The following SRSF10 variants were observed in gnomAD, a reference collection of about 807,000 sequenced individuals.
The protein encoded by SRSF10 is serine and arginine rich splicing factor 10.
A neutral mutation model predicts 32.6 loss-of-function variants in SRSF10; 9 were observed. The observed-to-expected ratio is 0.28, with a 90% CI of 0.17 to 0.48. The LOEUF (loss-of-function observed/expected upper bound fraction) is 0.48, where lower values mean the gene tolerates loss of function less well. Among genes scored for constraint, SRSF10 ranks in the 20% least tolerant of loss-of-function variants. The pLI, the probability that SRSF10 is intolerant of heterozygous loss-of-function variation, is 0.99. For missense variants in SRSF10, 201 were observed against 331.8 expected (o/e 0.61, Z 3.06); for synonymous variants, 105 against 112.4 (o/e 0.93, Z 0.42).
chr1:23,971,721 G>A, intron 4 of SRSF10, 95 bp from the exon 5 acceptor site: 1 of 1,506,964 alleles, frequency 6.6e-7, no homozygotes, highest in Non-Finnish European at 9.0e-7. Flanking sequence ...AAAATAAAAT[G>A]CTACAGTATT....
rs1641450535 is a variant in SRSF10, at chr1:23,966,360, A to T, written c.*4782T>A. 6.6e-6 allele frequency: 1 copy of T among 151,978 alleles called. No individual in the cohort carries two copies. Among genetic ancestry groups the T allele is most frequent in the African/African-American group, 2.4e-5 (1 of 41,440 alleles). 9.4% of individuals were successfully genotyped at this position (151,978 alleles called of 1,614,324 possible). Reference sequence around the variant, plus strand: ...GGAAAATTTTAAGTATGTGGCAAAAAAGATGACAAAAATCAAATGTGATGA... The same window carrying T: ...GGAAAATTTTAAGTATGTGGCAAAATAGATGACAAAAATCAAATGTGATGA... On this transcript the variant is annotated 3_prime_UTR_variant, in exon 6 of 6. Coordinates refer to ENST00000492112, the MANE Select transcript of SRSF10 (RefSeq NM_054016.4).
chr1:23,967,669 C>A lies in SRSF10; in HGVS notation c.*3473G>T. The A allele has an allele frequency of 6.3e-7, 1 of 1,582,252 alleles. No individual in the cohort carries two copies. The highest frequency in any genetic ancestry group is 8.7e-7 in the Non-Finnish European group (1 of 1,151,498). The stretch of plus-strand genomic sequence containing the variant: ...TTTGGTTCTTTTTCCGCTTTCAGAT[C>A]TTTCTTGAAGTGTAGTAAGCAGAAC... On this transcript the variant is annotated 3_prime_UTR_variant, in exon 6 of 6. Transcript: ENST00000492112.
Position 23,966,150 on chromosome 1 carries a change from G to A in SRSF10, c.*4992C>T, listed in dbSNP as rs1306530243. The A allele has an allele frequency of 1.3e-5, 2 of 151,888 alleles. No individual in the cohort carries two copies. The highest frequency in any genetic ancestry group is 4.8e-5 in the African/African-American group (2 of 41,428). 9.4% of individuals were successfully genotyped at this position (151,888 alleles called of 1,614,324 possible). ...TGAAACAAGTGAAAAATTATGGGCT[G>A]TAACCTAGGATCTGACACTTGCTGT... On this transcript the variant is annotated 3_prime_UTR_variant, in exon 6 of 6. Transcript: ENST00000492112.
intron 1 of SRSF10, 87 bp from the exon 2 acceptor site, chr1:23,978,904 G>C: frequency 8.1e-7 from 1 of 1,237,406 alleles, no homozygotes; most frequent in Non-Finnish European, 1.1e-6. Flanking sequence ...AGGAAAGCTA[G>C]GATCCAAGAA....
chr1:23,972,414 TG>T (rs1641814587), intron 3 of SRSF10, among the ~76,000 whole-genome samples: 1 of 145,620 alleles, frequency 6.9e-6, no homozygotes, highest in Non-Finnish European at 1.5e-5. Context: ...AAAAAAAGTG[TG>T]TATGTGTTTT....
chr1:23,971,092 C>CTATG lies in SRSF10; in HGVS notation c.*46_*49dup, dbSNP rs1641727990. ...TTCCTGATAATTTAAGTAAACCAAA[C>CTATG]TATGAGTAAATGAATGATACATGCC... is the stretch of plus-strand genomic sequence containing the variant. On this transcript the variant is annotated 3_prime_UTR_variant, in exon 6 of 6. Coordinates refer to ENST00000492112, the MANE Select transcript of SRSF10 (RefSeq NM_054016.4). 1 of 1,531,754 alleles carries CTATG rather than the reference C, an allele frequency of 6.5e-7. No individual in the cohort carries two copies. Among genetic ancestry groups the CTATG allele is most frequent in the Non-Finnish European group, 8.7e-7 (1 of 1,144,510 alleles). The allele number at this position is 1,531,754 out of a possible 1,614,324, so 94.9% of individuals were successfully genotyped here.
In SRSF10 at chr1:23,971,177, T is replaced by C. The variant is rs1204866096; in HGVS notation, c.754A>G (p.Arg252Gly). The change falls in exon 6 of 6, where the codon AGG (arginine) becomes GGG (glycine). Residue 252 changes from arginine (R) to glycine (G), a missense_variant. By Grantham distance (125) the Arg-to-Gly change is moderately radical (BLOSUM62 -2). Around this residue, in one of 3 missense-constraint regions of SRSF10, gnomAD observed 159 missense variants for 196.7 expected, o/e 0.81. Coordinates refer to ENST00000492112, the MANE Select transcript of SRSF10 (RefSeq NM_054016.4). ...CTGGACTTAGGACTAGTCCAAGACC[T>C]TGATCTAGATTTTGACCTAGACCTA... is the stretch of plus-strand genomic sequence containing the variant. ...QSRSRSKSRSRSWTSPKSSGH is the reference protein window; with the variant it reads ...QSRSRSKSRSGSWTSPKSSGH 32 of 1,613,744 alleles carry C rather than the reference T, an allele frequency of 2.0e-5. No homozygotes were observed. In the African/African-American group the frequency reaches 4.1e-4, roughly 21 times the overall value.
At chr1:23,972,719 G>C (rs1641843746) in intron 3 of SRSF10, among the ~76,000 whole-genome samples, 1 of 150,666 alleles carries the variant, frequency 6.6e-6, no homozygotes, top group African/African-American at 2.4e-5. Flanking sequence ...TAGGATTACA[G>C]GTGTGAGCCA....
At position 23,970,752 on chromosome 1, in the gene SRSF10, G is replaced by GT. The variant is rs1641709327; in HGVS notation, c.*389dup. 9.9e-7 allele frequency: 1 copy of GT among 1,015,004 alleles called. No homozygotes were observed. Among genetic ancestry groups the GT allele is most frequent in the South Asian group, 4.0e-5 (1 of 25,002 alleles). 62.9% of individuals were successfully genotyped at this position (1,015,004 alleles called of 1,614,324 possible). ...GTACTGTGGCTACTACTTCACTTTTGTATCATTCTATCTTATTAGCAAGCT... is the reference window on the plus strand; with the variant it reads ...GTACTGTGGCTACTACTTCACTTTTGTTATCATTCTATCTTATTAGCAAGCT... On this transcript the variant is annotated 3_prime_UTR_variant, in exon 6 of 6. Transcript: ENST00000492112.
Position 23,965,018 on chromosome 1 carries a change from TAACC to T in SRSF10, c.*6120_*6123del, listed in dbSNP as rs1641385806. ...CAAATACACAGAAACATAATAAAGA[TAACC>T]AACACTGTTAAGAGGAAGGGGAAGA... On this transcript the variant is annotated 3_prime_UTR_variant, in exon 6 of 6. Transcript: ENST00000492112. 6.6e-6 allele frequency: 1 copy of T among 151,838 alleles called. No individual in the cohort carries two copies. Among genetic ancestry groups the T allele is most frequent in the African/African-American group, 2.4e-5 (1 of 41,380 alleles). 9.4% of individuals were successfully genotyped at this position (151,838 alleles called of 1,614,324 possible). A position where few individuals can be genotyped will look rare whatever the true frequency, so the allele number is the denominator to read the frequency against.
chr1:23,971,430 G>C lies in SRSF10; in HGVS notation c.501C>G (p.His167Gln). 2.5e-6 allele frequency: 4 copies of C among 1,608,718 alleles called. No individual in the cohort carries two copies. The highest frequency in any genetic ancestry group is 3.4e-6 in the Non-Finnish European group (4 of 1,178,618). The change falls in exon 6 of 6, where the codon CAC becomes CAG. Residue 167 changes from histidine to glutamine, a missense_variant. Around this residue, in one of 3 missense-constraint regions of SRSF10, gnomAD observed 159 missense variants for 196.7 expected, o/e 0.81. Coordinates refer to ENST00000492112, the MANE Select transcript of SRSF10 (RefSeq NM_054016.4). Reference sequence around the variant, plus strand: ...TAGATCTTGAAAAAGATCGATTTCGGTGTTTGAATCTTTCAAAACAGAGGA... The same window carrying C: ...TAGATCTTGAAAAAGATCGATTTCGCTGTTTGAATCTTTCAAAACAGAGGA... ...RSHSDNDRFK[H>Q]RNRSFSRSKS...
At chr1:23,979,415 T>C (rs1642312117) in intron 1 of SRSF10, among the ~76,000 whole-genome samples, 1 of 152,084 alleles carries the variant, frequency 6.6e-6, no homozygotes, top group Non-Finnish European at 1.5e-5. Context: ...TGTGTGTAGA[T>C]TCATTATTTG....
Position 23,967,893 on chromosome 1 carries a change from T to A in SRSF10, c.*3249A>T. 1 of 1,549,432 alleles carries A rather than the reference T, an allele frequency of 6.5e-7. No individual in the cohort carries two copies. Among genetic ancestry groups the A allele is most frequent in the Admixed American group, 2.0e-5 (1 of 50,728 alleles). On this transcript the variant is annotated 3_prime_UTR_variant, in exon 6 of 6. Transcript: ENST00000492112. ...TGGGATGTAACTTAACAGCTCATAC[T>A]CTATGTAGCACCTTTCCTCTCTCAC...
chr1:23,965,050 A>G lies in SRSF10; in HGVS notation c.*6092T>C, dbSNP rs1385715637. The G allele has an allele frequency of 1.3e-5, 2 of 152,018 alleles. No individual in the cohort carries two copies. The highest frequency in any genetic ancestry group is 1.3e-4 in the Admixed American group (2 of 15,254). 9.4% of individuals were successfully genotyped at this position (152,018 alleles called of 1,614,324 possible). On this transcript the variant is annotated 3_prime_UTR_variant, in exon 6 of 6. Coordinates refer to ENST00000492112, the MANE Select transcript of SRSF10 (RefSeq NM_054016.4). Reference sequence around the variant, plus strand: ...CACTGTTAAGAGGAAGGGGAAGAGGAAAAAACCCAAGAGAAGGAAACTTTT... The same window carrying G: ...CACTGTTAAGAGGAAGGGGAAGAGGGAAAAACCCAAGAGAAGGAAACTTTT...
rs1378018664 is a variant in SRSF10 at position 23,970,779 on chromosome 1, C to T, written c.*363G>A. On this transcript the variant is annotated 3_prime_UTR_variant, in exon 6 of 6. Coordinates refer to ENST00000492112, the MANE Select transcript of SRSF10 (RefSeq NM_054016.4). ...ATCATTCTATCTTATTAGCAAGCTA[C>T]ATTTCTAGGTTAACAGTTCTACCAA... is the stretch of plus-strand genomic sequence containing the variant. 9.7e-7 allele frequency: 1 copy of T among 1,028,826 alleles called. No individual in the cohort carries two copies. Among genetic ancestry groups the T allele is most frequent in the Non-Finnish European group, 1.2e-6 (1 of 858,040 alleles). 63.7% of individuals were successfully genotyped at this position (1,028,826 alleles called of 1,614,324 possible).
At chr1:23,974,937 A>G (rs1570782486) in intron 3 of SRSF10, 37 bp downstream of exon 3, 1 of 1,426,852 alleles carries the variant, frequency 7.0e-7, no homozygotes, top group Non-Finnish European at 9.7e-7. Flanking sequence ...ACACTAAAAA[A>G]TAATGTTTCA....
intron 3 of SRSF10, among the ~76,000 whole-genome samples, chr1:23,974,126 G>A (rs1267033880): frequency 6.6e-6 from 1 of 151,912 alleles, no homozygotes; most frequent in African/African-American, 2.4e-5. Context: ...CCAGCAGCTG[G>A]GACTACAGGT....
rs917241759 is a variant in SRSF10 at position 23,968,310 on chromosome 1, C to T, written c.*2832G>A. 6.6e-6 allele frequency among the ~76,000 whole-genome samples: 1 copy of T among 152,110 alleles called. No homozygotes were observed. Among genetic ancestry groups the T allele is most frequent in the Non-Finnish European group, 1.5e-5 (1 of 67,996 alleles). ...AAAAATAAAAATGAAATTAGGCCTT[C>T]TAGTTCTATACAGAAAATGAACAAT... On this transcript the variant is annotated 3_prime_UTR_variant, in exon 6 of 6. Transcript: ENST00000492112.
chr1:23,972,119 AGTATGTATGACCC>A, intron 3 of SRSF10, 107 bp from the exon 4 acceptor site: 1 of 984,714 alleles, frequency 1.0e-6, no homozygotes, highest in East Asian at 3.0e-5. Flanking sequence ...TCCCAAAGAG[AGTATGTATGACCC>A]GGGTGGTGGC....
Sources: gnomAD v4.1 joint callset for allele counts (sites outside exome capture counted in the v4.1 genomes callset) on GRCh38, gnomAD v4.1.1 for gene constraint, gnomAD v4.1.1 regional missense constraint, MANE v1.5 for transcripts, NCBI Gene and HGNC (gene_info 2026-07-23, HGNC 2026-07-21) for gene names.